LRP1B: variants seen among roughly 807,000 people sequenced by gnomAD.
LRP1B encodes LDL receptor related protein 1B.
A neutral mutation model predicts 556.6 loss-of-function variants in LRP1B; 217 were observed. The ratio of observed to expected loss-of-function variants is 0.39; its 90% CI spans 0.35 to 0.44. The LOEUF is 0.44. LRP1B is among the 20% of genes least tolerant of loss of function. The pLI is 1.00. For synonymous variants in LRP1B, 2,047 were observed against 1,865.8 expected, an observed-to-expected ratio of 1.10 and a Z score of -2.50; for missense variants, 5,053 against 5,620.8, an observed-to-expected ratio of 0.90 and a Z score of 3.23.
At chr2:140,840,831 C>A (rs1188818977) in intron 30 of LRP1B, 87 bp downstream of exon 30, 16 of 992,270 alleles carry the variant, frequency 1.6e-5, no homozygotes, top group Non-Finnish European at 2.3e-5. Flanking sequence ...TATATATATC[C>A]TCTGAATTAA....
Position 141,067,221 on chromosome 2 carries a change from G to A in LRP1B, c.1014-4948C>T, listed in dbSNP as rs539997503. ...ATAAAGTAGGAATATTAAATATTTA[G>A]CATTGTAATTCTAAAATGCAATTAC... On this transcript the variant is annotated intron_variant, in intron 7 of 90. Coordinates refer to ENST00000389484, the MANE Select transcript of LRP1B (RefSeq NM_018557.3). 1.7e-3 allele frequency among the ~76,000 whole-genome samples: 259 copies of A among 151,994 alleles called. 1 individual carries two copies. Among genetic ancestry groups the A allele is most frequent in the Non-Finnish European group, 2.5e-3 (168 of 67,920 alleles).
At chr2:141,044,334 C>T (rs970427119) in intron 11 of LRP1B, among the ~76,000 whole-genome samples, 7 of 151,854 alleles carry the variant, frequency 4.6e-5, no homozygotes, top group African/African-American at 1.7e-4. Flanking sequence ...AAAACCTAGG[C>T]ATTACCATTC....
chr2:140,354,144 T>C (rs532018304), intron 75 of LRP1B, among the ~76,000 whole-genome samples: 6 of 152,176 alleles, frequency 3.9e-5, no homozygotes, highest in Admixed American at 6.6e-5. Flanking sequence ...GCCAGCATAT[T>C]TCCCCTGCCT....
intron 27 of LRP1B, among the ~76,000 whole-genome samples, chr2:140,861,022 C>T (rs977516637): frequency 2.2e-5 from 3 of 135,344 alleles, no homozygotes; most frequent in African/African-American, 8.6e-5. Context: ...ATCTATCTAT[C>T]TATCTAATTT....
At chr2:140,840,829 T>TC in intron 30 of LRP1B, 89 bp downstream of exon 30, 1 of 951,316 alleles carries the variant, frequency 1.1e-6, no homozygotes, top group African/African-American at 1.7e-5. Flanking sequence ...TATATATATA[T>TC]CCTCTGAATT....
At chr2:141,090,296 A>G (rs570791121) in intron 7 of LRP1B, among the ~76,000 whole-genome samples, 1 of 152,250 alleles carries the variant, frequency 6.6e-6, no homozygotes, top group African/African-American at 2.4e-5. Context: ...CTAAGTGGCT[A>G]TAAATACTGG....
chr2:140,899,032 C>A, intron 23 of LRP1B: 1 of 313,848 alleles, frequency 3.2e-6, no homozygotes, highest in South Asian at 3.1e-5. Context: ...CCAGATCTGT[C>A]CACTTGATAT....
chr2:140,963,634 G>A (rs1254541585), intron 18 of LRP1B, among the ~76,000 whole-genome samples: 1 of 152,052 alleles, frequency 6.6e-6, no homozygotes, highest in East Asian at 1.9e-4. Context: ...GAAATAATCT[G>A]CTGAATTACT....
At chr2:141,972,983 C>A (rs1336191657) in intron 1 of LRP1B, among the ~76,000 whole-genome samples, 1 of 151,444 alleles carries the variant, frequency 6.6e-6, no homozygotes, top group Non-Finnish European at 1.5e-5. Context: ...TAAGATTTAC[C>A]AATTTCAAAT....
intron 59 of LRP1B, among the ~76,000 whole-genome samples, chr2:140,479,217 AC>A (rs1052654443): frequency 2.0e-5 from 3 of 152,024 alleles, no homozygotes; most frequent in South Asian, 2.1e-4. Flanking sequence ...CTATTGCTAT[AC>A]TTTTTTTTTC....
intron 3 of LRP1B, among the ~76,000 whole-genome samples, chr2:141,371,281 T>G (rs1285603022): frequency 6.6e-6 from 1 of 152,216 alleles, no homozygotes; most frequent in African/African-American, 2.4e-5. Context: ...ACTATGGCAT[T>G]TTAGTATTAT....
intron 1 of LRP1B, among the ~76,000 whole-genome samples, chr2:141,861,460 G>A (rs1698236858): frequency 6.6e-6 from 1 of 152,134 alleles, no homozygotes; most frequent in Non-Finnish European, 1.5e-5. Flanking sequence ...CAAGACTAGT[G>A]ACAATGTCTG....
chr2:140,817,009 G>A (rs1186135974), intron 31 of LRP1B, among the ~76,000 whole-genome samples: 6 of 152,158 alleles, frequency 3.9e-5, no homozygotes, highest in African/African-American at 1.2e-4. Flanking sequence ...ACAAATAATT[G>A]TTTAATGCAA....
intron 6 of LRP1B, among the ~76,000 whole-genome samples, chr2:141,228,429 C>A: frequency 7.0e-6 from 1 of 142,560 alleles, no homozygotes; most frequent in African/African-American, 2.6e-5. Context: ...GTGTGTACTC[C>A]CATGTGGAAG....
At chr2:140,670,439 A>G (rs948829527) in intron 41 of LRP1B, among the ~76,000 whole-genome samples, 2 of 152,188 alleles carry the variant, frequency 1.3e-5, no homozygotes, top group African/African-American at 4.8e-5. Context: ...AACCTAATAA[A>G]TTTGCAAGTA....
intron 2 of LRP1B, among the ~76,000 whole-genome samples, chr2:141,738,953 TAC>T (rs1242338785): frequency 6.6e-6 from 1 of 152,132 alleles, no homozygotes; most frequent in African/African-American, 2.4e-5. Flanking sequence ...GGATTGTTAT[TAC>T]ACATATATCC....
At chr2:141,129,766 C>CAGCAAT (rs1254555718) in intron 7 of LRP1B, among the ~76,000 whole-genome samples, 1 of 108,216 alleles carries the variant, frequency 9.2e-6, no homozygotes, top group Admixed American at 1.1e-4. Flanking sequence ...CATATACTAA[C>CAGCAAT]AGCAATATCC....
At chr2:141,866,452 T>C (rs13031743) in intron 1 of LRP1B, among the ~76,000 whole-genome samples, 28,014 of 152,158 alleles carry the variant, frequency 0.18, 2,986 homozygotes, top group East Asian at 0.34. Context: ...GTCAATGTTA[T>C]GAGATCATAG....
intron 2 of LRP1B, among the ~76,000 whole-genome samples, chr2:141,664,323 C>T (rs1254716666): frequency 3.3e-5 from 5 of 152,200 alleles, no homozygotes; most frequent in Non-Finnish European, 5.9e-5. Flanking sequence ...TCTCTGACCA[C>T]TCTTATTCAA....
Sources: gnomAD v4.1 joint callset for allele counts (sites outside exome capture counted in the v4.1 genomes callset) on GRCh38, gnomAD v4.1.1 for gene constraint, MANE v1.5 for transcripts, NCBI Gene and HGNC (gene_info 2026-07-23, HGNC 2026-07-21) for gene names.